The following FANCI variants were observed in gnomAD, a reference collection of about 807,000 sequenced individuals.
FANCI encodes FA complementation group I.
A neutral mutation model predicts 176.1 loss-of-function variants in FANCI; 156 were observed. The observed-to-expected ratio is 0.89, with a 90% CI of 0.78 to 1.01. The LOEUF is 1.01. FANCI is among the 50% of genes least tolerant of loss of function. The probability of loss-of-function intolerance (pLI) is 0.00; values close to 1 mark genes in which losing one functional copy is unlikely to be tolerated. For synonymous variants in FANCI, 613 were observed against 541.7 expected (o/e 1.13, Z -1.83); for missense variants, 1,678 against 1,534.1 (o/e 1.09, Z -1.57).
intron 24 of FANCI, among the ~76,000 whole-genome samples, chr15:89,299,477 A>G (rs1197211384): frequency 1.3e-5 from 2 of 152,222 alleles, no homozygotes; most frequent in African/African-American, 4.8e-5. Flanking sequence ...TGATGAATAT[A>G]GAGTCTGCTG....
At chr15:89,244,460 G>A (rs1187235151) in intron 1 of FANCI, among the ~76,000 whole-genome samples, 2 of 152,188 alleles carry the variant, frequency 1.3e-5, no homozygotes, top group Non-Finnish European at 2.9e-5. Context: ...TGCCATTCTC[G>A]GATCTTGGCT....
At chr15:89,284,459 GTTA>G (rs1251390602) in intron 17 of FANCI, among the ~76,000 whole-genome samples, 3 of 152,170 alleles carry the variant, frequency 2.0e-5, no homozygotes, top group Non-Finnish European at 2.9e-5. Context: ...TCATTTGTGT[GTTA>G]TTATCCCCAT....
Position 89,294,893 on chromosome 15 carries a change from CTCTCTCTCTG to C in FANCI, c.2457-12_2457-3del, listed in dbSNP as rs1334052415. 37 of 1,530,660 alleles carry C rather than the reference CTCTCTCTCTG, an allele frequency of 2.4e-5. No individual in the cohort carries two copies. The highest frequency in any genetic ancestry group is 6.4e-5 in the Admixed American group (3 of 46,846). 94.8% of individuals were successfully genotyped at this position (1,530,660 alleles called of 1,614,324 possible). A position where few individuals can be genotyped will look rare whatever the true frequency, so the allele number is the denominator to read the frequency against. On this transcript the variant is annotated splice_polypyrimidine_tract_variant and intron_variant, in intron 23 of 37. Transcript: ENST00000310775. ...AGTAAGGGAATCTTCCTTTTTCTTT[CTCTCTCTCTG>C]TCTCTCTCTAGGGATAGTATCCAAA...
intron 23 of FANCI, 118 bp from the exon 24 acceptor site, chr15:89,294,797 T>A: frequency 9.5e-7 from 1 of 1,048,968 alleles, no homozygotes; most frequent in South Asian, 1.7e-5. Flanking sequence ...AGTCGGAACT[T>A]ACTGGCAAGC....
intron 35 of FANCI, among the ~76,000 whole-genome samples, chr15:89,313,286 T>C (rs2055041585): frequency 6.6e-6 from 1 of 152,072 alleles, no homozygotes; most frequent in African/African-American, 2.4e-5. Flanking sequence ...TGTGAGTGAA[T>C]TGTATGGTAT....
chr15:89,259,071 A>G (rs1482350380), intron 3 of FANCI: 13 of 394,464 alleles, frequency 3.3e-5, no homozygotes, highest in Middle Eastern at 8.2e-4. Flanking sequence ...TGTGGAGAAG[A>G]GAACAGCAAT....
At chr15:89,278,358 G>A (rs1407214785) in intron 13 of FANCI, among the ~76,000 whole-genome samples, 1 of 152,182 alleles carries the variant, frequency 6.6e-6, no homozygotes, top group East Asian at 1.9e-4. Flanking sequence ...TAAAAGTTAT[G>A]TATACTGTCA....
At chr15:89,303,831 G>A in intron 27 of FANCI, 33 bp from the exon 28 acceptor site, 1 of 1,598,612 alleles carries the variant, frequency 6.3e-7, no homozygotes, top group East Asian at 2.2e-5. Context: ...TCTCTGGCAT[G>A]TTTCTTTAAT....
chr15:89,249,509 G>A (rs1198320972), intron 2 of FANCI, among the ~76,000 whole-genome samples: 5 of 152,038 alleles, frequency 3.3e-5, no homozygotes, highest in African/African-American at 9.7e-5. Context: ...CACCATGTCC[G>A]ACTAATTTTT....
intron 2 of FANCI, among the ~76,000 whole-genome samples, chr15:89,255,933 T>C (rs2052475557): frequency 6.6e-6 from 1 of 152,206 alleles, no homozygotes; most frequent in African/African-American, 2.4e-5. Context: ...TCTGTGCAAA[T>C]TCTTCTCCCC....
At chr15:89,312,173 C>CCT (rs2054990441) in intron 34 of FANCI, among the ~76,000 whole-genome samples, 1 of 152,182 alleles carries the variant, frequency 6.6e-6, no homozygotes, top group South Asian at 2.1e-4. Context: ...GACTGCAGGG[C>CCT]CCTGCAGCAG....
chr15:89,257,609 T>G (rs1412665202), intron 2 of FANCI, among the ~76,000 whole-genome samples: 1 of 152,176 alleles, frequency 6.6e-6, no homozygotes, highest in African/African-American at 2.4e-5. Flanking sequence ...ATAAGGGCAT[T>G]AGTCTTTGGA....
intron 10 of FANCI, 164 bp downstream of exon 10, chr15:89,268,689 T>C: frequency 1.3e-6 from 1 of 763,866 alleles, no homozygotes; most frequent in Middle Eastern, 3.9e-4. Flanking sequence ...AAATACATGA[T>C]GTTACCACAC....
intron 18 of FANCI, among the ~76,000 whole-genome samples, chr15:89,288,230 T>A (rs1193729511): frequency 6.6e-6 from 1 of 152,218 alleles, no homozygotes; most frequent in Non-Finnish European, 1.5e-5. Context: ...AGTAACTGTT[T>A]ACCAGCTAAA....
At chr15:89,255,238 A>G (rs1204810512) in intron 2 of FANCI, among the ~76,000 whole-genome samples, 3 of 152,122 alleles carry the variant, frequency 2.0e-5, no homozygotes, top group African/African-American at 7.2e-5. Context: ...GATTGGACCA[A>G]TGTCTTGTAT....
At chr15:89,296,244 G>T in intron 24 of FANCI, among the ~76,000 whole-genome samples, 1 of 147,244 alleles carries the variant, frequency 6.8e-6, no homozygotes, top group Admixed American at 6.8e-5. Flanking sequence ...GTTTACAGGC[G>T]TGAGCCACTG....
chr15:89,264,732 C>T lies in FANCI; in HGVS notation c.755+125C>T, dbSNP rs2052865880. ...CACCTCAGCACAAAACTTTTCTAAT[C>T]TTCTCTTAGCTACTCAGTAATAAAG... On this transcript the variant is annotated intron_variant, in intron 9 of 37. Coordinates refer to ENST00000310775, the MANE Select transcript of FANCI (RefSeq NM_001113378.2). 6 of 717,568 alleles carry T rather than the reference C, an allele frequency of 8.4e-6. No homozygotes were observed. In the South Asian group the frequency reaches 9.0e-5, roughly 11 times the overall value. 44.5% of individuals were successfully genotyped at this position (717,568 alleles called of 1,614,324 possible).
intron 2 of FANCI, among the ~76,000 whole-genome samples, chr15:89,256,589 T>A (rs568780459): frequency 4.6e-5 from 7 of 152,334 alleles, no homozygotes; most frequent in African/African-American, 1.7e-4. Context: ...TGCTTCTCTT[T>A]TTAATGACTG....
chr15:89,270,140 T>G (rs574717295), intron 10 of FANCI, among the ~76,000 whole-genome samples: 1 of 152,244 alleles, frequency 6.6e-6, no homozygotes, highest in Admixed American at 6.5e-5. Flanking sequence ...CCCCAACCAT[T>G]TAAAACCATA....
Sources: allele counts gnomAD v4.1 joint callset (sites outside exome capture counted in the v4.1 genomes callset), GRCh38; gene constraint gnomAD v4.1.1; transcripts MANE v1.5; gene names NCBI Gene and HGNC (gene_info 2026-07-23, HGNC 2026-07-21).